DLG2: variants seen among roughly 807,000 people sequenced by gnomAD.
DLG2 encodes disks large homolog 2.
A neutral mutation model predicts 132.5 loss-of-function variants in DLG2; 45 were observed. The ratio of observed to expected loss-of-function variants is 0.34; its 90% CI spans 0.27 to 0.44. The LOEUF (loss-of-function observed/expected upper bound fraction) is 0.44. Ranked by LOEUF, DLG2 falls within the 20% of genes least tolerant of loss-of-function variation. The pLI, the probability that DLG2 is intolerant of heterozygous loss-of-function variation, is 1.00. For missense variants in DLG2, 1,045 were observed against 1,196.9 expected, an observed-to-expected ratio of 0.87 and a Z score of 1.87; for synonymous variants, 424 against 419.6, an observed-to-expected ratio of 1.01 and a Z score of -0.13.
chr11:84,942,724 C>T (rs375657750), intron 6 of DLG2, among the ~76,000 whole-genome samples: 2 of 152,018 alleles, frequency 1.3e-5, no homozygotes, highest in South Asian at 4.1e-4. Flanking sequence ...GTTCTGTAAA[C>T]GTGTATTAGG....
At chr11:85,442,051 A>C (rs982977804) in intron 3 of DLG2, among the ~76,000 whole-genome samples, 1 of 152,104 alleles carries the variant, frequency 6.6e-6, no homozygotes, top group African/African-American at 2.4e-5. Context: ...AAAAGCTGTT[A>C]GGGACAAGCT....
At chr11:83,650,124 T>C (rs145522522) in intron 18 of DLG2, among the ~76,000 whole-genome samples, 17 of 152,338 alleles carry the variant, frequency 1.1e-4, no homozygotes, top group Admixed American at 9.2e-4. Flanking sequence ...AAGTTTTGAC[T>C]GTAATGCCCG....
chr11:84,324,424 T>A, intron 7 of DLG2, among the ~76,000 whole-genome samples: 1 of 152,140 alleles, frequency 6.6e-6, no homozygotes. Flanking sequence ...TCCAGCTTAG[T>A]GCCATAGTGT....
At chr11:84,715,821 T>C (rs1411250781) in intron 6 of DLG2, among the ~76,000 whole-genome samples, 3 of 152,116 alleles carry the variant, frequency 2.0e-5, no homozygotes, top group Non-Finnish European at 4.4e-5. Context: ...ACTTAGGTTG[T>C]TTCCATATCT....
In DLG2 at chr11:84,823,781, C is replaced by T. The variant is rs551365322; in HGVS notation, c.357+287880G>A. On this transcript the variant is annotated intron_variant, in intron 6 of 27. Coordinates refer to ENST00000376104, the MANE Select transcript of DLG2 (RefSeq NM_001142699.3). ...TCGTTCACTGCTTTAGAACATAAGT[C>T]ATTTGAATAGTGTCTAGCTCATAGT... Among the ~76,000 whole-genome samples, 222 of 151,860 alleles carry T rather than the reference C, an allele frequency of 1.5e-3. 2 individuals carry two copies. The highest frequency in any genetic ancestry group is 5.1e-3 in the African/African-American group (211 of 41,466).
chr11:85,323,598 T>C (rs1178093377), intron 3 of DLG2, among the ~76,000 whole-genome samples: 1 of 152,212 alleles, frequency 6.6e-6, no homozygotes, highest in East Asian at 1.9e-4. Context: ...CTAGAACTTA[T>C]TCCTTCTACC....
At chr11:83,652,005 TG>T (rs1026006558) in intron 18 of DLG2, 9 of 353,026 alleles carry the variant, frequency 2.5e-5, no homozygotes, top group African/African-American at 1.9e-4. Flanking sequence ...TAATCAAATT[TG>T]GCCCTGTTAG....
At chr11:83,499,852 G>GACATATATATAT (rs2094358910) in intron 21 of DLG2, among the ~76,000 whole-genome samples, 1 of 61,624 alleles carries the variant, frequency 1.6e-5, no homozygotes, top group African/African-American at 5.0e-5. Context: ...ACTAATAGGA[G>GACATATATATAT]ATATATATAT....
intron 3 of DLG2, among the ~76,000 whole-genome samples, chr11:85,557,973 C>T (rs907214053): frequency 5.9e-5 from 9 of 151,640 alleles, no homozygotes; most frequent in Admixed American, 5.3e-4. Flanking sequence ...CTAATTAAAC[C>T]AAAGAGTTTC....
At chr11:84,597,534 C>A (rs2099565298) in intron 6 of DLG2, among the ~76,000 whole-genome samples, 1 of 152,138 alleles carries the variant, frequency 6.6e-6, no homozygotes, top group Non-Finnish European at 1.5e-5. Flanking sequence ...AAGATGAAAG[C>A]ATACATATAT....
chr11:84,083,824 CTATT>C (rs1231404190), intron 10 of DLG2, among the ~76,000 whole-genome samples: 11 of 152,052 alleles, frequency 7.2e-5, no homozygotes. Flanking sequence ...AAATGAATAT[CTATT>C]TATTTTATTT....
intron 6 of DLG2, among the ~76,000 whole-genome samples, chr11:84,669,423 A>G (rs1243465798): frequency 6.6e-6 from 1 of 152,148 alleles, no homozygotes; most frequent in African/African-American, 2.4e-5. Flanking sequence ...CAGACTGTCT[A>G]TATTTTGTTA....
chr11:83,704,352 C>CT (rs1369607090), intron 18 of DLG2, among the ~76,000 whole-genome samples: 1 of 151,952 alleles, frequency 6.6e-6, no homozygotes, highest in Non-Finnish European at 1.5e-5. Context: ...AGAAATGATA[C>CT]TAAAATGAGA....
chr11:83,756,707 A>C (rs1334158685), intron 18 of DLG2, among the ~76,000 whole-genome samples: 2 of 151,526 alleles, frequency 1.3e-5, no homozygotes, highest in Non-Finnish European at 2.9e-5. Context: ...AAAGTAATCC[A>C]GCCCAGTTTT....
At chr11:85,412,760 C>CACACACACACACACACATAT (rs756868795) in intron 3 of DLG2, among the ~76,000 whole-genome samples, 1 of 113,278 alleles carries the variant, frequency 8.8e-6, no homozygotes, top group Admixed American at 9.2e-5. Flanking sequence ...CACACACACA[C>CACACACACACACACACATAT]ATATATATAT....
intron 7 of DLG2, among the ~76,000 whole-genome samples, chr11:84,477,936 G>A (rs2099126200): frequency 6.6e-6 from 1 of 152,078 alleles, no homozygotes; most frequent in Non-Finnish European, 1.5e-5. Context: ...TGTATTACAT[G>A]TATTCACTAC....
intron 6 of DLG2, among the ~76,000 whole-genome samples, chr11:84,627,948 C>T (rs920159612): frequency 6.6e-6 from 1 of 152,102 alleles, no homozygotes; most frequent in African/African-American, 2.4e-5. Context: ...CCACAGGCCC[C>T]ACCTCCAACA....
chr11:84,419,116 A>G (rs2098939768), intron 7 of DLG2, among the ~76,000 whole-genome samples: 1 of 152,188 alleles, frequency 6.6e-6, no homozygotes, highest in South Asian at 2.1e-4. Context: ...GAAAAAATAC[A>G]GAAAAGAGAA....
chr11:84,177,340 A>C (rs1167695229), intron 8 of DLG2, among the ~76,000 whole-genome samples: 2 of 152,090 alleles, frequency 1.3e-5, no homozygotes, highest in Non-Finnish European at 2.9e-5. Context: ...ACACATATGC[A>C]TGCACATATA....
Sources: allele counts gnomAD v4.1 joint callset (sites outside exome capture counted in the v4.1 genomes callset), GRCh38; gene constraint gnomAD v4.1.1; transcripts MANE v1.5; gene names NCBI Gene and HGNC (gene_info 2026-07-23, HGNC 2026-07-21).